Variants in SDR42E2 observed in about 807,000 individuals in gnomAD.
SDR42E2 encodes short chain dehydrogenase/reductase family 42E, member 2, also known as putative short-chain dehydrogenase/reductase family 42E member 2.
SDR42E2 carries 20 observed loss-of-function variants against 10.5 expected under a neutral mutation model. That is an observed-to-expected ratio of 1.90 (90% CI 1.34 to 2.77). The LOEUF (loss-of-function observed/expected upper bound fraction) is 2.77. Ranked by LOEUF, SDR42E2 falls within the 30% of genes most tolerant of loss-of-function variation. SDR42E2 has a pLI of 0.00. For synonymous variants in SDR42E2, 72 were observed against 39.2 expected (o/e 1.84, Z -3.12); for missense variants, 162 against 104.2 (o/e 1.55, Z -2.42).
Position 22,190,577 on chromosome 16 carries a change from C to T in SDR42E2, c.*184C>T. On this transcript the variant is annotated 3_prime_UTR_variant, in exon 13 of 13. Coordinates refer to ENST00000602312, the MANE Select transcript of SDR42E2 (RefSeq NM_001394319.2). The stretch of plus-strand genomic sequence containing the variant: ...CCTAGCCCGGACCGCCGACTTCTGG[C>T]CACGCCCCTATCTACTCCCAGACCT... 1 of 398,526 alleles carries T rather than the reference C, an allele frequency of 2.5e-6. No homozygotes were observed. The highest frequency in any genetic ancestry group is 4.4e-6 in the Non-Finnish European group (1 of 226,022). The allele number at this position is 398,526 out of a possible 1,614,324, so 24.7% of individuals were successfully genotyped here.
rs1275483533 is a variant in SDR42E2 at position 22,182,523 on chromosome 16, T to G, written c.876+246T>G. Among the ~76,000 whole-genome samples the G allele has an allele frequency of 9.9e-5, 15 of 152,146 alleles. No homozygotes were observed. The East Asian group carries it at 2.7e-3, about 28-fold the overall frequency. On this transcript the variant is annotated intron_variant, in intron 10 of 12. Coordinates refer to ENST00000602312, the MANE Select transcript of SDR42E2 (RefSeq NM_001394319.2). ...CACCACGCCCAGTTAATTTTTTGTA[T>G]TTTTAGTAGAGATGGGGTTTCACCA...
intron 6 of SDR42E2, 112 bp downstream of exon 6, chr16:22,171,063 C>G (rs2046596011): frequency 1.5e-6 from 1 of 667,516 alleles, no homozygotes; most frequent in Admixed American, 2.1e-5. Flanking sequence ...TACGTCCTAG[C>G]AGGAAGGGGC....
chr16:22,186,783 A>G lies in SDR42E2; in HGVS notation c.1003A>G (p.Thr335Ala), dbSNP rs2046739465. Residue 335 changes from threonine (T) to alanine (A), a missense_variant, in exon 12 of 13, where the codon ACT becomes GCT. Coordinates refer to ENST00000602312, the MANE Select transcript of SDR42E2 (RefSeq NM_001394319.2). ...CATCTGCAGCCTCCCACCGCTGCTCACTCGTAGTGAGGTAAGTGGGCTGCT... is the reference window on the plus strand; with the variant it reads ...CATCTGCAGCCTCCCACCGCTGCTCGCTCGTAGTGAGGTAAGTGGGCTGCT... ...RPICSLPPLL[T>A]RSEVRSVAVT... 3 of 399,342 alleles carry G rather than the reference A, an allele frequency of 7.5e-6. No individual in the cohort carries two copies. The South Asian group carries it at 3.8e-4, about 51-fold the overall frequency. The allele number at this position is 399,342 out of a possible 1,614,324, so 24.7% of individuals were successfully genotyped here.
At chr16:22,182,847 A>C (rs1358470746) in intron 10 of SDR42E2, among the ~76,000 whole-genome samples, 1 of 152,024 alleles carries the variant, frequency 6.6e-6, no homozygotes, top group Non-Finnish European at 1.5e-5. Flanking sequence ...GCAAAAATAA[A>C]AATTCAACTA....
chr16:22,166,638 T>G (rs2046543078), intron 3 of SDR42E2, among the ~76,000 whole-genome samples: 1 of 152,018 alleles, frequency 6.6e-6, no homozygotes, highest in South Asian at 2.1e-4. Context: ...CTTCACAGGG[T>G]CTCATTGGGA....
At chr16:22,183,130 G>C (rs903052425) in intron 10 of SDR42E2, among the ~76,000 whole-genome samples, 1 of 151,888 alleles carries the variant, frequency 6.6e-6, no homozygotes, top group African/African-American at 2.4e-5. Context: ...CGTTTGTTTT[G>C]TTTCATTTTT....
chr16:22,171,801 G>A (rs1207849692), intron 6 of SDR42E2, among the ~76,000 whole-genome samples: 1 of 152,152 alleles, frequency 6.6e-6, no homozygotes, highest in African/African-American at 2.4e-5. Flanking sequence ...CAAAGTGCTG[G>A]AATTACAGGC....
At chr16:22,188,168 C>CA (rs201570268) in intron 12 of SDR42E2, among the ~76,000 whole-genome samples, 106 of 150,124 alleles carry the variant, frequency 7.1e-4, no homozygotes, top group Middle Eastern at 3.4e-3. Context: ...TTAAAAAGGT[C>CA]AAAAAAAAAT....
chr16:22,165,902 C>CTCGGTCCG, intron 2 of SDR42E2, among the ~76,000 whole-genome samples: 1 of 149,672 alleles, frequency 6.7e-6, no homozygotes, highest in African/African-American at 2.5e-5. Context: ...GGTCTAGGAG[C>CTCGGTCCG]TAGGTCCGTA....
intron 11 of SDR42E2, among the ~76,000 whole-genome samples, chr16:22,186,248 C>G (rs371810880): frequency 6.6e-6 from 1 of 151,806 alleles, no homozygotes; most frequent in Non-Finnish European, 1.5e-5. Context: ...ATTATGTTGC[C>G]CAGCCTGGAG....
At chr16:22,167,183 T>TG (rs1232519406) in intron 4 of SDR42E2, among the ~76,000 whole-genome samples, 184 bp downstream of exon 4, 4 of 112,762 alleles carry the variant, frequency 3.5e-5, no homozygotes, top group Admixed American at 1.7e-4. Flanking sequence ...TTTTTTTTTT[T>TG]TTTTTTTTTT....
At position 22,166,169 on chromosome 16, in the gene SDR42E2, A is replaced by T. The variant is rs79651149; in HGVS notation, c.56-81A>T. On this transcript the variant is annotated intron_variant, in intron 2 of 12. Coordinates refer to ENST00000602312, the MANE Select transcript of SDR42E2 (RefSeq NM_001394319.2). ...GGGGCAGGAGCTGGGTCTACACCTG[A>T]GCCAGAGCTAGGGCCTGGGCTCAGA... 6.7e-3 allele frequency: 2,894 copies of T among 431,390 alleles called. 19 individuals are homozygous for T. Among genetic ancestry groups the T allele is most frequent in the Non-Finnish European group, 9.1e-3 (2,244 of 246,400 alleles). The allele number at this position is 431,390 out of a possible 1,614,324, so 26.7% of individuals were successfully genotyped here. A position where few individuals can be genotyped will look rare whatever the true frequency, so the allele number is the denominator to read the frequency against.
chr16:22,171,550 C>T (rs1391790915), intron 6 of SDR42E2, among the ~76,000 whole-genome samples: 1 of 151,080 alleles, frequency 6.6e-6, no homozygotes, highest in Non-Finnish European at 1.5e-5. Flanking sequence ...TGTTTTGAGA[C>T]AAGGTCTTGC....
chr16:22,176,324 T>C (rs1168446737), intron 7 of SDR42E2, among the ~76,000 whole-genome samples: 1 of 152,180 alleles, frequency 6.6e-6, no homozygotes, highest in Non-Finnish European at 1.5e-5. Context: ...TCTCGTTTTA[T>C]TGCCCAGGCA....
chr16:22,185,578 T>C (rs2046730808), intron 11 of SDR42E2, among the ~76,000 whole-genome samples: 1 of 152,124 alleles, frequency 6.6e-6, no homozygotes, highest in Non-Finnish European at 1.5e-5. Context: ...AAATTGGGAT[T>C]AGCAGGGAGG....
chr16:22,187,791 T>C (rs1598146946), intron 12 of SDR42E2, among the ~76,000 whole-genome samples: 2 of 151,900 alleles, frequency 1.3e-5, no homozygotes, highest in African/African-American at 4.8e-5. Context: ...GTATTTGAGG[T>C]TATTTGCAAA....
At chr16:22,166,480 C>G (rs2046541295) in intron 3 of SDR42E2, 46 bp downstream of exon 3, 1 of 402,524 alleles carries the variant, frequency 2.5e-6, no homozygotes. Flanking sequence ...TGGTGATGGT[C>G]AGGGGACAGT....
chr16:22,175,524 T>C (rs1382762335), intron 7 of SDR42E2, among the ~76,000 whole-genome samples: 1 of 150,350 alleles, frequency 6.7e-6, no homozygotes, highest in Non-Finnish European at 1.5e-5. Context: ...GAGGCTCAAG[T>C]AGGCTACACT....
intron 7 of SDR42E2, among the ~76,000 whole-genome samples, chr16:22,177,426 A>C (rs1027380095): frequency 2.0e-5 from 3 of 152,130 alleles, no homozygotes; most frequent in Non-Finnish European, 4.4e-5. Context: ...CAGGAGTTCA[A>C]GACCAGCCTG....
Sources: allele counts gnomAD v4.1 joint callset (sites outside exome capture counted in the v4.1 genomes callset), GRCh38; gene constraint gnomAD v4.1.1; transcripts MANE v1.5; gene names NCBI Gene and HGNC (gene_info 2026-07-23, HGNC 2026-07-21).